The following ZC3H12C variants were observed in gnomAD, a reference collection of about 807,000 sequenced individuals.
The protein encoded by ZC3H12C is probable ribonuclease ZC3H12C.
ZC3H12C carries 20 observed loss-of-function variants against 76.3 expected under a neutral mutation model. That is an observed-to-expected ratio of 0.26 (90% CI 0.18 to 0.38). ZC3H12C has a LOEUF of 0.38. Among genes scored for constraint, ZC3H12C ranks in the 10% least tolerant of loss-of-function variants. ZC3H12C has a pLI of 1.00. For synonymous variants in ZC3H12C, 352 were observed against 399.6 expected (o/e 0.88, Z 1.42); for missense variants, 874 against 1,086.5 (o/e 0.80, Z 2.75).
At chr11:110,157,409 C>T (rs1016409949) in intron 3 of ZC3H12C, among the ~76,000 whole-genome samples, 9 of 151,016 alleles carry the variant, frequency 6.0e-5, no homozygotes, top group African/African-American at 1.9e-4. Flanking sequence ...CACATTTCTT[C>T]CACTCATAGA....
intron 1 of ZC3H12C, among the ~76,000 whole-genome samples, chr11:110,107,376 G>C (rs1029767850): frequency 7.0e-6 from 1 of 142,936 alleles, no homozygotes; most frequent in Admixed American, 6.9e-5. Context: ...TTCAAATGAA[G>C]TCTTTTTTTT....
rs191302039 is a variant in ZC3H12C at position 110,171,064 on chromosome 11, A to G, written c.*5327A>G. ...TCTGTAATGTTTCACTTCTTGAACCATGTACCAAATTTGCCAATTTTCTGT... is the reference window on the plus strand; with the variant it reads ...TCTGTAATGTTTCACTTCTTGAACCGTGTACCAAATTTGCCAATTTTCTGT... On this transcript the variant is annotated 3_prime_UTR_variant, in exon 6 of 6. Transcript: ENST00000278590. The G allele has an allele frequency of 2.8e-4, 43 of 152,356 alleles. 2 individuals carry two copies. In the South Asian group the frequency reaches 3.3e-3, roughly 12 times the overall value. The allele number at this position is 152,356 out of a possible 1,614,324, so 9.4% of individuals were successfully genotyped here.
At chr11:110,134,624 T>C (rs1861922776) in intron 1 of ZC3H12C, among the ~76,000 whole-genome samples, 1 of 152,176 alleles carries the variant, frequency 6.6e-6, no homozygotes, top group Admixed American at 6.5e-5. Flanking sequence ...CATATCTATA[T>C]TAATAGGAAA....
rs1861969262 is a variant in ZC3H12C at position 110,136,782 on chromosome 11, G to A, written c.141G>A (p.Val47=). ...HLGHDLGHLY[V]ESTDPQLSPA... ...GGCATGACCTCGGCCACCTTTATGT[G>A]GAGAGCACTGACCCACAGTTAAGTC... The change falls in exon 2 of 6, where the codon GTG becomes GTA. Residue 47 remains valine, a synonymous_variant. Coordinates refer to ENST00000278590, the MANE Select transcript of ZC3H12C (RefSeq NM_033390.2). 1 of 1,613,906 alleles carries A rather than the reference G, an allele frequency of 6.2e-7. No individual in the cohort carries two copies. The highest frequency in any genetic ancestry group is 1.3e-5 in the African/African-American group (1 of 75,018).
At chr11:110,099,164 A>G (rs770338786) in intron 1 of ZC3H12C, among the ~76,000 whole-genome samples, 15 of 152,224 alleles carry the variant, frequency 9.9e-5, no homozygotes, top group Middle Eastern at 3.4e-3. Context: ...TTTTCCCAGT[A>G]TTTTAATATT....
In ZC3H12C at chr11:110,103,647, C is replaced by T. The variant is rs540862055; in HGVS notation, c.21+10215C>T. On this transcript the variant is annotated intron_variant, in intron 1 of 5. Coordinates refer to ENST00000278590, the MANE Select transcript of ZC3H12C (RefSeq NM_033390.2). ...TTGAGACAGAGTCTCGCTCTGTTGC[C>T]CAGGCTGGAGTGCAGTGGTGCGAAC... 1.1e-4 allele frequency among the ~76,000 whole-genome samples: 17 copies of T among 151,982 alleles called. No individual in the cohort carries two copies. In the East Asian group the frequency reaches 3.3e-3, roughly 29 times the overall value.
intron 1 of ZC3H12C, among the ~76,000 whole-genome samples, chr11:110,112,566 T>C (rs1861452928): frequency 6.6e-6 from 1 of 152,162 alleles, no homozygotes. Flanking sequence ...GATTGCCAAA[T>C]GGCAGCACTA....
intron 3 of ZC3H12C, 125 bp from the exon 4 acceptor site, chr11:110,159,131 A>G: frequency 2.9e-6 from 2 of 694,060 alleles, no homozygotes; most frequent in Admixed American, 2.9e-5. Flanking sequence ...AAATTAAATC[A>G]TAATCCCTAA....
In ZC3H12C at chr11:110,164,739, G is replaced by T; in HGVS notation, c.1654G>T (p.Asp552Tyr). The change falls in exon 6 of 6, where the codon GAT (aspartate) becomes TAT (tyrosine). Residue 552 changes from aspartate to tyrosine, a missense_variant. Transcript: ENST00000278590. The surrounding 1 kb of genome is among the most constrained non-coding windows in gnomAD (Gnocchi z 5.7). ...LPSGVHFPPQ[D>Y]QRPQGQYPSM... ...ATCTGGAGTTCATTTCCCACCTCAG[G>T]ATCAAAGACCACAGGGACAATATCC... 2 of 1,613,948 alleles carry T rather than the reference G, an allele frequency of 1.2e-6. No individual in the cohort carries two copies. Among genetic ancestry groups the T allele is most frequent in the Non-Finnish European group, 1.7e-6 (2 of 1,179,892 alleles).
rs981978579 is a variant in ZC3H12C at position 110,097,218 on chromosome 11, A to G, written c.21+3786A>G. ...AATGGAAACTAATTGCACCTAAAGT[A>G]TAATGTACACGGTTTTACATTACAA... On this transcript the variant is annotated intron_variant, in intron 1 of 5. Transcript: ENST00000278590. 2.0e-5 allele frequency among the ~76,000 whole-genome samples: 3 copies of G among 152,248 alleles called. No individual in the cohort carries two copies. The South Asian group carries it at 6.2e-4, about 31-fold the overall frequency.
intron 1 of ZC3H12C, among the ~76,000 whole-genome samples, chr11:110,129,533 G>A (rs959783463): frequency 1.3e-5 from 2 of 152,232 alleles, no homozygotes; most frequent in Middle Eastern, 6.8e-3. Context: ...CTGTATTTGT[G>A]TATAAAAGGA....
intron 3 of ZC3H12C, among the ~76,000 whole-genome samples, chr11:110,155,042 C>T (rs980113884): frequency 6.6e-6 from 1 of 152,092 alleles, no homozygotes; most frequent in Admixed American, 6.5e-5. Flanking sequence ...AATCCCAGCA[C>T]TTTGGGAGAC....
At chr11:110,097,849 C>G (rs960300606) in intron 1 of ZC3H12C, among the ~76,000 whole-genome samples, 1 of 152,186 alleles carries the variant, frequency 6.6e-6, no homozygotes, top group African/African-American at 2.4e-5. Context: ...TCATAGCCAT[C>G]TCCTGATGTC....
chr11:110,121,909 T>C (rs1269624128), intron 1 of ZC3H12C, among the ~76,000 whole-genome samples: 1 of 152,140 alleles, frequency 6.6e-6, no homozygotes, highest in Admixed American at 6.6e-5. Flanking sequence ...AGCATGGTAA[T>C]ATGTTGTTTA....
chr11:110,113,049 T>C (rs933951594), intron 1 of ZC3H12C, among the ~76,000 whole-genome samples: 1 of 152,014 alleles, frequency 6.6e-6, no homozygotes, highest in African/African-American at 2.4e-5. Flanking sequence ...ACCGTTCCTA[T>C]CCCTCCCTGC....
intron 1 of ZC3H12C, among the ~76,000 whole-genome samples, chr11:110,119,578 C>T (rs1861617341): frequency 6.6e-6 from 1 of 152,338 alleles, no homozygotes; most frequent in Non-Finnish European, 1.5e-5. Flanking sequence ...TGCACACTCT[C>T]ATCTCACAGC....
At chr11:110,134,525 G>C (rs1262986263) in intron 1 of ZC3H12C, among the ~76,000 whole-genome samples, 1 of 151,990 alleles carries the variant, frequency 6.6e-6, no homozygotes, top group Non-Finnish European at 1.5e-5. Context: ...GCATTATGGT[G>C]TTAGTATATT....
intron 1 of ZC3H12C, among the ~76,000 whole-genome samples, chr11:110,096,610 A>G (rs1301879121): frequency 6.6e-6 from 1 of 152,156 alleles, no homozygotes; most frequent in Non-Finnish European, 1.5e-5. Context: ...TTTATAACCC[A>G]TGATCTTAAC....
chr11:110,124,563 G>A lies in ZC3H12C; in HGVS notation c.22-12100G>A, dbSNP rs552057783. Among the ~76,000 whole-genome samples the A allele has an allele frequency of 2.0e-5, 3 of 152,298 alleles. No individual in the cohort carries two copies. In the East Asian group the frequency reaches 5.8e-4, roughly 29 times the overall value. On this transcript the variant is annotated intron_variant, in intron 1 of 5. Transcript: ENST00000278590. ...AAGGAATTGGAAAGCAATAAAAACC[G>A]AACTAGTCCAAGAAGGCTTTATGGA...
Sources: gnomAD v4.1 joint callset for allele counts (sites outside exome capture counted in the v4.1 genomes callset) on GRCh38, gnomAD v4.1.1 for gene constraint, Gnocchi (gnomAD v3.1) non-coding constraint, MANE v1.5 for transcripts, NCBI Gene and HGNC (gene_info 2026-07-23, HGNC 2026-07-21) for gene names.